SHISA9: variants seen among roughly 807,000 people sequenced by gnomAD.
SHISA9 encodes shisa family member 9.
Under a neutral mutation model 38.0 loss-of-function variants are expected in SHISA9, and 13 were observed. The ratio of observed to expected loss-of-function variants is 0.34; its 90% confidence interval spans 0.22 to 0.54. The LOEUF (loss-of-function observed/expected upper bound fraction) is 0.54, where lower values mean the gene tolerates loss of function less well. Among genes scored for constraint, SHISA9 ranks in the 20% least tolerant of loss-of-function variants. The pLI is 0.91. For missense variants in SHISA9, 538 were observed against 575.8 expected (o/e 0.93, Z 0.67); for synonymous variants, 275 against 242.0 (o/e 1.14, Z -1.27).
the SHISA9 span, among the ~76,000 whole-genome samples, chr16:13,262,468 G>A: frequency 1.3e-5 from 2 of 152,172 alleles, no homozygotes; most frequent in East Asian, 1.9e-4. Flanking sequence ...GGCTTATCAG[G>A]TTGTATCACA....
intron 2 of SHISA9, among the ~76,000 whole-genome samples, chr16:13,188,821 ATAT>A (rs1413092610): frequency 1.3e-5 from 2 of 152,032 alleles, no homozygotes; most frequent in Non-Finnish European, 2.9e-5. Flanking sequence ...TTACAATATA[ATAT>A]TATATTGAAG....
At chr16:13,044,345 C>G (rs894384865) in intron 2 of SHISA9, among the ~76,000 whole-genome samples, 4 of 152,204 alleles carry the variant, frequency 2.6e-5, no homozygotes, top group Admixed American at 2.6e-4. Flanking sequence ...AGTTTGGGTT[C>G]CAGCCCCGCC....
intron 2 of SHISA9, among the ~76,000 whole-genome samples, chr16:13,088,900 G>A (rs1049891831): frequency 2.6e-5 from 4 of 152,142 alleles, no homozygotes; most frequent in African/African-American, 9.7e-5. Flanking sequence ...GTTTTCAAAG[G>A]GAATGCTTCC....
intron 2 of SHISA9, among the ~76,000 whole-genome samples, chr16:12,991,469 C>T (rs769756071): frequency 5.3e-5 from 8 of 152,064 alleles, no homozygotes; most frequent in South Asian, 4.2e-4. Flanking sequence ...TGTAAACAAA[C>T]GTCCCATTTT....
intron 2 of SHISA9, among the ~76,000 whole-genome samples, chr16:12,981,737 G>A (rs1474005503): frequency 1.3e-5 from 2 of 152,146 alleles, no homozygotes; most frequent in Non-Finnish European, 2.9e-5. Context: ...CGGAGACAGG[G>A]TCTTTAACGA....
In SHISA9 at chr16:12,916,792, C is replaced by G. The variant is rs1385789089; in HGVS notation, c.668C>G (p.Thr223Arg). The G allele has an allele frequency of 6.4e-7, 1 of 1,551,796 alleles. No homozygotes were observed. The highest frequency in any genetic ancestry group is 2.4e-5 in the East Asian group (1 of 40,926). ...GTCCAGCATTATGAGAACATGGACACGAGAACCCCCATAAATAATCTTCGT... is the reference window on the plus strand; with the variant it reads ...GTCCAGCATTATGAGAACATGGACAGGAGAACCCCCATAAATAATCTTCGT... Reference protein sequence around the residue: ...VHVQHYENMDTRTPINNLHAT... With the variant: ...VHVQHYENMDRRTPINNLHAT... Residue 223 changes from threonine (T) to arginine (R), a missense_variant, in exon 2 of 5, where the codon ACG becomes AGG. By Grantham distance (71) the Thr-to-Arg change is moderately conservative. Transcript: ENST00000558583.
the SHISA9 span, among the ~76,000 whole-genome samples, chr16:13,312,821 G>A: frequency 6.6e-6 from 1 of 152,028 alleles, no homozygotes; most frequent in Non-Finnish European, 1.5e-5. Flanking sequence ...TCAACTTCTA[G>A]AGAAAGCACT....
the SHISA9 span, among the ~76,000 whole-genome samples, chr16:13,262,506 G>T: frequency 2.7e-4 from 41 of 152,152 alleles, no homozygotes; most frequent in Admixed American, 8.5e-4. Context: ...TTGCCCAATA[G>T]CCTGGAGGAT....
chr16:12,907,869 G>A (rs1256824302), intron 1 of SHISA9, among the ~76,000 whole-genome samples: 1 of 152,128 alleles, frequency 6.6e-6, no homozygotes, highest in Non-Finnish European at 1.5e-5. Context: ...GCCCCCTTCA[G>A]GAAGCTCTTG....
the SHISA9 span, among the ~76,000 whole-genome samples, chr16:13,395,887 C>A: frequency 6.6e-6 from 1 of 152,146 alleles, no homozygotes; most frequent in African/African-American, 2.4e-5. Context: ...GAGGAAGAAC[C>A]AGGTTTGGGG....
the SHISA9 span, among the ~76,000 whole-genome samples, chr16:13,419,636 C>T: frequency 1.3e-5 from 2 of 152,176 alleles, no homozygotes; most frequent in African/African-American, 2.4e-5. Context: ...TGTTTACTTA[C>T]GTCTCTTCCT....
chr16:13,545,547 G>T, the SHISA9 span, among the ~76,000 whole-genome samples: 1 of 152,192 alleles, frequency 6.6e-6, no homozygotes, highest in Non-Finnish European at 1.5e-5. Context: ...CATGGGAAAG[G>T]CTGGTCTTGG....
At chr16:13,409,854 AGG>A in the SHISA9 span, among the ~76,000 whole-genome samples, 1 of 152,220 alleles carries the variant, frequency 6.6e-6, no homozygotes, top group Non-Finnish European at 1.5e-5. Flanking sequence ...ACACCTTGCT[AGG>A]GCTTCAGAAA....
At chr16:13,203,765 A>C (rs994823444) in intron 3 of SHISA9, among the ~76,000 whole-genome samples, 19 of 151,846 alleles carry the variant, frequency 1.3e-4, no homozygotes, top group African/African-American at 4.4e-4. Context: ...CTATGCATTC[A>C]TTCATCCATC....
chr16:13,529,454 A>C, the SHISA9 span, among the ~76,000 whole-genome samples: 2 of 152,250 alleles, frequency 1.3e-5, no homozygotes, highest in East Asian at 3.9e-4. Context: ...GTAAATCTCC[A>C]CTTCAAGATA....
At chr16:13,305,734 A>G in the SHISA9 span, among the ~76,000 whole-genome samples, 1 of 152,180 alleles carries the variant, frequency 6.6e-6, no homozygotes, top group Non-Finnish European at 1.5e-5. Context: ...AAATAACCCA[A>G]CTAGATCACT....
At chr16:13,379,381 G>C in the SHISA9 span, among the ~76,000 whole-genome samples, 1 of 152,158 alleles carries the variant, frequency 6.6e-6, no homozygotes, top group African/African-American at 2.4e-5. Flanking sequence ...CTTTTGGAGG[G>C]AGTGGGAGTA....
At chr16:13,486,326 G>A in the SHISA9 span, among the ~76,000 whole-genome samples, 2 of 152,164 alleles carry the variant, frequency 1.3e-5, no homozygotes, top group African/African-American at 4.8e-5. Flanking sequence ...TTTCATGAGA[G>A]CACTCAGAAG....
At chr16:13,470,752 A>G in the SHISA9 span, among the ~76,000 whole-genome samples, 1 of 152,194 alleles carries the variant, frequency 6.6e-6, no homozygotes, top group Non-Finnish European at 1.5e-5. Flanking sequence ...AAGAAAACAT[A>G]TTAACCAAAC....
Sources: allele counts gnomAD v4.1 joint callset (sites outside exome capture counted in the v4.1 genomes callset), GRCh38; gene constraint gnomAD v4.1.1; transcripts MANE v1.5; gene names NCBI Gene and HGNC (gene_info 2026-07-23, HGNC 2026-07-21).